UBL3: variants seen among roughly 807,000 people sequenced by gnomAD.
UBL3 encodes ubiquitin-like protein 3.
In UBL3, 6 loss-of-function variants were observed where a neutral mutation model predicts 18.4. The ratio of observed to expected loss-of-function variants is 0.33; its 90% CI spans 0.18 to 0.64. The LOEUF is 0.64. UBL3 is among the 30% of genes least tolerant of loss of function. UBL3 has a pLI of 0.76. For missense variants in UBL3, 109 were observed against 142.9 expected (o/e 0.76, Z 1.21); for synonymous variants, 49 against 46.6 (o/e 1.05, Z -0.21).
intron 1 of UBL3, among the ~76,000 whole-genome samples, chr13:29,789,416 A>T (rs1303379323): frequency 6.6e-6 from 1 of 152,256 alleles, no homozygotes; most frequent in African/African-American, 2.4e-5. Flanking sequence ...CTTCACTGCA[A>T]AATTCAGAAT....
At chr13:29,811,023 A>T (rs1878065274) in intron 1 of UBL3, among the ~76,000 whole-genome samples, 1 of 152,106 alleles carries the variant, frequency 6.6e-6, no homozygotes, top group East Asian at 1.9e-4. Flanking sequence ...CTGGGGAGGA[A>T]GGGTCATTTC....
chr13:29,846,241 A>G (rs1018105034), intron 1 of UBL3, among the ~76,000 whole-genome samples: 2 of 152,144 alleles, frequency 1.3e-5, no homozygotes, highest in Non-Finnish European at 2.9e-5. Context: ...AGATTTTTTC[A>G]CAAATAAGTT....
chr13:29,828,932 G>A (rs1878695815), intron 1 of UBL3, among the ~76,000 whole-genome samples: 1 of 152,168 alleles, frequency 6.6e-6, no homozygotes, highest in Admixed American at 6.5e-5. Context: ...TAGTTTGCTG[G>A]AGGTCCACTC....
intron 1 of UBL3, among the ~76,000 whole-genome samples, chr13:29,819,005 A>C (rs1482077949): frequency 2.0e-5 from 3 of 152,164 alleles, no homozygotes; most frequent in Non-Finnish European, 4.4e-5. Flanking sequence ...TATATATTAC[A>C]TATCTGGGAA....
chr13:29,792,241 C>T (rs919241582), intron 1 of UBL3, among the ~76,000 whole-genome samples: 1 of 152,036 alleles, frequency 6.6e-6, no homozygotes, highest in African/African-American at 2.4e-5. Flanking sequence ...TGTATAACCA[C>T]CAAGTGGATC....
chr13:29,771,502 T>G lies in UBL3; in HGVS notation c.223+610A>C, dbSNP rs556964254. ...ATAAAGTAATTTACCCTTCTTAACC[T>G]ATGAGGTAGGCACTACTGTAATTCC... On this transcript the variant is annotated intron_variant, in intron 3 of 4. Transcript: ENST00000380680. 5.9e-5 allele frequency among the ~76,000 whole-genome samples: 9 copies of G among 152,074 alleles called. No homozygotes were observed. The South Asian group carries it at 1.7e-3, about 28-fold the overall frequency.
intron 2 of UBL3, among the ~76,000 whole-genome samples, chr13:29,775,899 G>A (rs1876973677): frequency 6.6e-6 from 1 of 151,780 alleles, no homozygotes; most frequent in South Asian, 2.1e-4. Context: ...TTATAGACGT[G>A]AGCCACCACG....
At chr13:29,820,843 T>TA (rs892658143) in intron 1 of UBL3, among the ~76,000 whole-genome samples, 12 of 152,214 alleles carry the variant, frequency 7.9e-5, no homozygotes, top group African/African-American at 2.9e-4. Context: ...CATGCATATA[T>TA]AAAATGAACT....
chr13:29,776,556 CCTGGCTGCATTTT>C (rs1876997381), intron 2 of UBL3, among the ~76,000 whole-genome samples: 1 of 151,908 alleles, frequency 6.6e-6, no homozygotes, highest in South Asian at 2.1e-4. Context: ...AGCCACCATC[CCTGGCTGCATTTT>C]TCTTTATTAA....
chr13:29,771,769 A>C (rs1876846087), intron 3 of UBL3, among the ~76,000 whole-genome samples: 1 of 151,956 alleles, frequency 6.6e-6, no homozygotes, highest in South Asian at 2.1e-4. Flanking sequence ...AACTATCATA[A>C]ATTTTTCCTA....
intron 1 of UBL3, among the ~76,000 whole-genome samples, chr13:29,843,766 C>T (rs1879164617): frequency 6.6e-6 from 1 of 152,188 alleles, no homozygotes; most frequent in Non-Finnish European, 1.5e-5. Flanking sequence ...CTTCAACATG[C>T]TTTCAAAATG....
chr13:29,828,676 C>T (rs893208517), intron 1 of UBL3, among the ~76,000 whole-genome samples: 2 of 152,236 alleles, frequency 1.3e-5, no homozygotes. Flanking sequence ...TCTCTCAACT[C>T]GTCAAAGTCA....
At chr13:29,769,932 T>C (rs1158353546) in intron 3 of UBL3, among the ~76,000 whole-genome samples, 4 of 152,076 alleles carry the variant, frequency 2.6e-5, no homozygotes, top group Admixed American at 6.6e-5. Context: ...TACTTCGTGG[T>C]CATCCACTGC....
chr13:29,831,445 C>T lies in UBL3; in HGVS notation c.27+18067G>A, dbSNP rs150239930. ...TCTCTACTAAAAATACAAAATTAGC[C>T]GGGGTGGTAGTGCATGCCTGTAATC... On this transcript the variant is annotated intron_variant, in intron 1 of 4. Coordinates refer to ENST00000380680, the MANE Select transcript of UBL3 (RefSeq NM_007106.4). 5.7e-3 allele frequency among the ~76,000 whole-genome samples: 860 copies of T among 151,756 alleles called. 4 individuals are homozygous for T. Among genetic ancestry groups the T allele is most frequent in the Non-Finnish European group, 9.8e-3 (668 of 67,916 alleles).
chr13:29,770,471 A>T lies in UBL3; in HGVS notation c.223+1641T>A, dbSNP rs1444945713. Among the ~76,000 whole-genome samples, 7 of 152,224 alleles carry T rather than the reference A, an allele frequency of 4.6e-5. No homozygotes were observed. In the East Asian group the frequency reaches 1.3e-3, roughly 29 times the overall value. On this transcript the variant is annotated intron_variant, in intron 3 of 4. Coordinates refer to ENST00000380680, the MANE Select transcript of UBL3 (RefSeq NM_007106.4). ...AATTATACTTTAGTGGGAATAAATC[A>T]ATAGTTTTGATTTTAACACAAATTC...
intron 1 of UBL3, among the ~76,000 whole-genome samples, chr13:29,801,351 G>T (rs1375017040): frequency 6.6e-6 from 1 of 152,154 alleles, no homozygotes; most frequent in Non-Finnish European, 1.5e-5. Context: ...GGCTCCCAGA[G>T]GCAACCAATA....
Position 29,811,560 on chromosome 13 carries a change from T to TA in UBL3, c.28-34298dup, listed in dbSNP as rs535435327. On this transcript the variant is annotated intron_variant, in intron 1 of 4. Coordinates refer to ENST00000380680, the MANE Select transcript of UBL3 (RefSeq NM_007106.4). Reference sequence around the variant, plus strand: ...AGAGCTGCGGAAGGAAACTGGTAGATAGACTGTCCCTGCCATGCCCTCCAT... The same window carrying TA: ...AGAGCTGCGGAAGGAAACTGGTAGATAAGACTGTCCCTGCCATGCCCTCCAT... Among the ~76,000 whole-genome samples the TA allele has an allele frequency of 9.9e-5, 15 of 152,184 alleles. No individual in the cohort carries two copies. The East Asian group carries it at 2.9e-3, about 29-fold the overall frequency.
intron 1 of UBL3, among the ~76,000 whole-genome samples, chr13:29,843,445 T>A (rs1331663719): frequency 2.0e-5 from 3 of 152,174 alleles, no homozygotes; most frequent in Non-Finnish European, 4.4e-5. Flanking sequence ...TTTTGTGAAG[T>A]TCAATGTATT....
In UBL3 at chr13:29,769,831, T is replaced by C. The variant is rs369905448; in HGVS notation, c.224-2136A>G. Among the ~76,000 whole-genome samples, 103 of 152,212 alleles carry C rather than the reference T, an allele frequency of 6.8e-4. 2 individuals are homozygous for C. Among genetic ancestry groups the C allele is most frequent in the Middle Eastern group, 3.4e-3 (1 of 294 alleles). ...TAACCAAACATTTCAACCTGAAACTTAAGCAGAAAATTTCAAGAATGGCAG... is the reference window on the plus strand; with the variant it reads ...TAACCAAACATTTCAACCTGAAACTCAAGCAGAAAATTTCAAGAATGGCAG... On this transcript the variant is annotated intron_variant, in intron 3 of 4. Coordinates refer to ENST00000380680, the MANE Select transcript of UBL3 (RefSeq NM_007106.4).
Sources: gnomAD v4.1 joint callset for allele counts (sites outside exome capture counted in the v4.1 genomes callset) on GRCh38, gnomAD v4.1.1 for gene constraint, MANE v1.5 for transcripts, NCBI Gene and HGNC (gene_info 2026-07-23, HGNC 2026-07-21) for gene names.